TBX15: variants seen among roughly 807,000 people sequenced by gnomAD.
TBX15 encodes T-box transcription factor 15, also known as T-box transcription factor TBX15.
A neutral mutation model predicts 53.9 loss-of-function variants in TBX15; 18 were observed. The observed-to-expected ratio is 0.33, with a 90% CI of 0.23 to 0.49. The LOEUF is 0.49. Among genes scored for constraint, TBX15 ranks in the 20% least tolerant of loss-of-function variants. TBX15 has a pLI of 0.98. For synonymous variants in TBX15, 295 were observed against 278.0 expected, an observed-to-expected ratio of 1.06 and a Z score of -0.61; for missense variants, 692 against 749.5, an observed-to-expected ratio of 0.92 and a Z score of 0.90.
intron 1 of TBX15, among the ~76,000 whole-genome samples, chr1:118,939,502 C>T (rs1409370903): frequency 7.1e-6 from 1 of 139,962 alleles, no homozygotes; most frequent in Non-Finnish European, 1.5e-5. Flanking sequence ...ACATTTAGCA[C>T]ACATGGACAT....
intron 5 of TBX15, among the ~76,000 whole-genome samples, chr1:118,920,400 G>A (rs1655388009): frequency 6.6e-6 from 1 of 152,098 alleles, no homozygotes; most frequent in South Asian, 2.1e-4. Context: ...CAAAAGGGAA[G>A]GGCATTCCTG....
At chr1:118,958,972 G>T (rs1351432431) in intron 1 of TBX15, among the ~76,000 whole-genome samples, 1 of 150,836 alleles carries the variant, frequency 6.6e-6, no homozygotes, top group Non-Finnish European at 1.5e-5. Flanking sequence ...TAATAGGGAG[G>T]CTCTCTAATT....
Position 118,885,316 on chromosome 1 carries a change from C to A in TBX15, c.1225G>T (p.Ala409Ser). Residue 409 changes from alanine to serine, a missense_variant, in exon 8 of 8, where the codon GCC (alanine) becomes TCC (serine). By Grantham distance (99) the Ala-to-Ser change is moderately conservative. Coordinates refer to ENST00000369429, the MANE Select transcript of TBX15 (RefSeq NM_001330677.2). ...CTCAGCCCTGGGTAGCTCTGCAAGG[C>A]AGCCATGTTGCTTCGGGCACATGGT... ...YPPCARSNMAALQSYPGLSDS... is the reference protein window; with the variant it reads ...YPPCARSNMASLQSYPGLSDS... The A allele has an allele frequency of 6.2e-7, 1 of 1,614,144 alleles. No individual in the cohort carries two copies. Among genetic ancestry groups the A allele is most frequent in the Non-Finnish European group, 8.5e-7 (1 of 1,180,044 alleles).
intron 5 of TBX15, among the ~76,000 whole-genome samples, chr1:118,921,341 C>T (rs978750657): frequency 1.3e-5 from 2 of 152,172 alleles, no homozygotes; most frequent in African/African-American, 4.8e-5. Context: ...TGAATAAAAA[C>T]AATTTTCAGA....
At chr1:118,963,386 C>G (rs1372667329) in intron 1 of TBX15, among the ~76,000 whole-genome samples, 1 of 152,190 alleles carries the variant, frequency 6.6e-6, no homozygotes, top group Non-Finnish European at 1.5e-5. Context: ...TACTGCTTAC[C>G]TGGACCACCA....
chr1:118,884,629 G>T lies in TBX15; in HGVS notation c.*103C>A, dbSNP rs542151997. ...AGAAAAAAAAAAAAAAAAAAAACAC[G>T]GTTCCTGTTTTTCAAAGACACTGGA... On this transcript the variant is annotated 3_prime_UTR_variant, in exon 8 of 8. Transcript: ENST00000369429. The T allele has an allele frequency of 2.1e-5, 24 of 1,145,166 alleles. No individual in the cohort carries two copies. The East Asian group carries it at 4.7e-4, about 22-fold the overall frequency. 70.9% of individuals were successfully genotyped at this position (1,145,166 alleles called of 1,614,324 possible). A position where few individuals can be genotyped will look rare whatever the true frequency, so the allele number is the denominator to read the frequency against.
intron 1 of TBX15, among the ~76,000 whole-genome samples, chr1:118,938,895 G>T (rs1395877071): frequency 6.6e-6 from 1 of 152,040 alleles, no homozygotes; most frequent in Non-Finnish European, 1.5e-5. Flanking sequence ...TGTATATTAG[G>T]CATTTAACCA....
intron 5 of TBX15, among the ~76,000 whole-genome samples, chr1:118,919,359 C>A (rs965270292): frequency 6.6e-6 from 1 of 152,128 alleles, no homozygotes; most frequent in Admixed American, 6.5e-5. Flanking sequence ...CCATTTTATT[C>A]TCTTTGAAGA....
chr1:118,970,776 C>T (rs937555598), intron 1 of TBX15, among the ~76,000 whole-genome samples: 28 of 152,132 alleles, frequency 1.8e-4, no homozygotes, highest in African/African-American at 6.3e-4. Context: ...AGTGATTACC[C>T]TGTGTTTGAG....
chr1:118,950,124 C>T (rs1656469258), intron 1 of TBX15, among the ~76,000 whole-genome samples: 1 of 152,170 alleles, frequency 6.6e-6, no homozygotes, highest in African/African-American at 2.4e-5. Context: ...TGACACAGCT[C>T]AGAGAAGCAA....
At chr1:118,942,040 A>T (rs189151591) in intron 1 of TBX15, among the ~76,000 whole-genome samples, 12 of 152,342 alleles carry the variant, frequency 7.9e-5, no homozygotes, top group Admixed American at 7.8e-4. Context: ...TACGAATGCT[A>T]ATTTTCAGAT....
At chr1:118,895,337 T>C (rs556366899) in intron 7 of TBX15, among the ~76,000 whole-genome samples, 5 of 152,294 alleles carry the variant, frequency 3.3e-5, no homozygotes, top group African/African-American at 9.6e-5. Flanking sequence ...TCTGGTGTCA[T>C]TGGTCCAGAA....
intron 1 of TBX15, among the ~76,000 whole-genome samples, chr1:118,934,780 G>A (rs1459770366): frequency 6.6e-6 from 1 of 152,186 alleles, no homozygotes; most frequent in Non-Finnish European, 1.5e-5. Context: ...GGAACCCATT[G>A]TTACTAGAAA....
At position 118,987,972 on chromosome 1, in the gene TBX15, T is replaced by A; in HGVS notation, c.-177A>T. Reference sequence around the variant, plus strand: ...CCCCCTGCGTCCTCCTCCGCCCTCCTCTGCCGGATCCGACCTGCGCCCCTA... The same window carrying A: ...CCCCCTGCGTCCTCCTCCGCCCTCCACTGCCGGATCCGACCTGCGCCCCTA... On this transcript the variant is annotated 5_prime_UTR_variant, in exon 1 of 8. Coordinates refer to ENST00000369429, the MANE Select transcript of TBX15 (RefSeq NM_001330677.2). The A allele has an allele frequency of 1.3e-6, 1 of 770,010 alleles. No homozygotes were observed. The highest frequency in any genetic ancestry group is 2.0e-6 in the Non-Finnish European group (1 of 492,000). 47.7% of individuals were successfully genotyped at this position (770,010 alleles called of 1,614,324 possible).
chr1:118,987,229 G>A (rs1284172858), intron 1 of TBX15, among the ~76,000 whole-genome samples: 1 of 152,190 alleles, frequency 6.6e-6, no homozygotes, highest in Non-Finnish European at 1.5e-5. Flanking sequence ...TCTCAGAAGC[G>A]AGTCCTAGAT....
At chr1:118,977,811 C>T (rs1189603621) in intron 1 of TBX15, among the ~76,000 whole-genome samples, 3 of 152,196 alleles carry the variant, frequency 2.0e-5, no homozygotes, top group Non-Finnish European at 4.4e-5. Flanking sequence ...ACTAAGTCAT[C>T]CTTTTAGCAT....
At chr1:118,950,779 G>C (rs371396693) in intron 1 of TBX15, among the ~76,000 whole-genome samples, 2 of 152,268 alleles carry the variant, frequency 1.3e-5, no homozygotes, top group East Asian at 3.9e-4. Flanking sequence ...TCACAAAAAA[G>C]GAAGAAAAAA....
rs1471862080 is a variant in TBX15, at chr1:118,960,212, T to A, written c.205+27379A>T. Among the ~76,000 whole-genome samples the A allele has an allele frequency of 2.0e-5, 3 of 152,246 alleles. No individual in the cohort carries two copies. The East Asian group carries it at 5.8e-4, about 29-fold the overall frequency. On this transcript the variant is annotated intron_variant, in intron 1 of 7. Coordinates refer to ENST00000369429, the MANE Select transcript of TBX15 (RefSeq NM_001330677.2). Reference sequence around the variant, plus strand: ...TTGGCGGCCTCTCCATCTTGCTGTGTTTATGGGCCTGACGTGACTTTCCAA... The same window carrying A: ...TTGGCGGCCTCTCCATCTTGCTGTGATTATGGGCCTGACGTGACTTTCCAA...
intron 1 of TBX15, among the ~76,000 whole-genome samples, chr1:118,946,101 C>T (rs1037101393): frequency 1.3e-5 from 2 of 151,910 alleles, no homozygotes; most frequent in East Asian, 3.9e-4. Context: ...AATAAGACTA[C>T]AGTAAAACTA....
Sources: allele counts gnomAD v4.1 joint callset (sites outside exome capture counted in the v4.1 genomes callset), GRCh38; gene constraint gnomAD v4.1.1; transcripts MANE v1.5; gene names NCBI Gene and HGNC (gene_info 2026-07-23, HGNC 2026-07-21).